DDB1: variants seen among roughly 807,000 people sequenced by gnomAD.
DDB1 encodes DNA damage-binding protein 1.
DDB1 carries 18 observed loss-of-function variants against 133.1 expected under a neutral mutation model. That is an observed-to-expected ratio of 0.14 (90% CI 0.09 to 0.20). The LOEUF is 0.20. Ranked by LOEUF, DDB1 falls within the 10% of genes least tolerant of loss-of-function variation. DDB1 has a pLI of 1.00. For missense variants in DDB1, 828 were observed against 1,459.2 expected (o/e 0.57, Z 7.05); for synonymous variants, 580 against 550.5 (o/e 1.05, Z -0.75).
chr11:61,316,942 GATAGATATATATATATATATAT>G (rs1160087952), intron 10 of DDB1, among the ~76,000 whole-genome samples: 348 of 27,054 alleles, frequency 0.013, 29 homozygotes, highest in Middle Eastern at 0.091. Context: ...AAAAAAAAAG[GATAGATATATATATATATATAT>G]ATATATATAT....
intron 21 of DDB1, among the ~76,000 whole-genome samples, chr11:61,304,952 C>T (rs945287080): frequency 9.2e-5 from 14 of 151,938 alleles, no homozygotes; most frequent in African/African-American, 3.1e-4. Context: ...ATTACAACCA[C>T]ATCTCCAAAA....
intron 18 of DDB1, 44 bp from the exon 19 acceptor site, chr11:61,310,462 G>C: frequency 1.3e-6 from 2 of 1,551,594 alleles, no homozygotes; most frequent in African/African-American, 2.7e-5. Flanking sequence ...AAACACAGAA[G>C]AAGTGCTGAG....
chr11:61,322,126 A>G (rs1856190230), intron 9 of DDB1, 170 bp downstream of exon 9: 1 of 655,356 alleles, frequency 1.5e-6, no homozygotes, highest in Non-Finnish European at 2.7e-6. Flanking sequence ...AGTGCCTGGC[A>G]GACCAAGATA....
intron 21 of DDB1, among the ~76,000 whole-genome samples, chr11:61,305,313 C>T (rs1855866756): frequency 6.6e-6 from 1 of 152,180 alleles, no homozygotes; most frequent in African/African-American, 2.4e-5. Flanking sequence ...TCGAGACCAT[C>T]CTGGCCAACG....
At chr11:61,327,188 T>A (rs1391483974) in intron 4 of DDB1, among the ~76,000 whole-genome samples, 1 of 152,156 alleles carries the variant, frequency 6.6e-6, no homozygotes, top group Admixed American at 6.5e-5. Flanking sequence ...AGATACTGTG[T>A]GCCAGGCACA....
At position 61,300,076 on chromosome 11, in the gene DDB1, G is replaced by T; in HGVS notation, c.*60C>A. 1 of 1,551,270 alleles carries T rather than the reference G, an allele frequency of 6.4e-7. No individual in the cohort carries two copies. The highest frequency in any genetic ancestry group is 1.1e-5 in the South Asian group (1 of 89,636). On this transcript the variant is annotated 3_prime_UTR_variant, in exon 27 of 27. Coordinates refer to ENST00000301764, the MANE Select transcript of DDB1 (RefSeq NM_001923.5). Reference sequence around the variant, plus strand: ...CCAAGAAGACGATGGTGGAGAGGAGGGGGAGGGCAGCAGGGCAAAGCCTTT... The same window carrying T: ...CCAAGAAGACGATGGTGGAGAGGAGTGGGAGGGCAGCAGGGCAAAGCCTTT...
chr11:61,313,848 A>T lies in DDB1; in HGVS notation c.1861+14T>A. On this transcript the variant is annotated intron_variant, in intron 15 of 26. Transcript: ENST00000301764. ...ATTTTTGAAAGAGTCCCTCACTCAA[A>T]ATACTACTCTCACCTGTCTCAATGT... is the stretch of plus-strand genomic sequence containing the variant. The T allele has an allele frequency of 6.2e-7, 1 of 1,613,866 alleles. No individual in the cohort carries two copies. The highest frequency in any genetic ancestry group is 2.2e-5 in the East Asian group (1 of 44,880).
At chr11:61,321,498 G>A in intron 10 of DDB1, 97 bp downstream of exon 10, 1 of 954,766 alleles carries the variant, frequency 1.0e-6, no homozygotes, top group South Asian at 1.4e-5. Flanking sequence ...CACTTGATCT[G>A]CTTTCCTCTG....
At chr11:61,304,182 AT>A in intron 21 of DDB1, 147 bp from the exon 22 acceptor site, 1 of 702,094 alleles carries the variant, frequency 1.4e-6, no homozygotes, top group Non-Finnish European at 2.3e-6. Flanking sequence ...TGGGGTGAAC[AT>A]TTATTATTTC....
chr11:61,302,531 G>T, intron 24 of DDB1, 51 bp downstream of exon 24: 1 of 1,608,218 alleles, frequency 6.2e-7, no homozygotes, highest in Non-Finnish European at 8.5e-7. Context: ...CAGAATGCTG[G>T]TATCAGGAAG....
intron 25 of DDB1, 137 bp from the exon 26 acceptor site, chr11:61,301,069 T>C: frequency 7.9e-7 from 1 of 1,262,548 alleles, no homozygotes; most frequent in Non-Finnish European, 1.1e-6. Flanking sequence ...CTTGCTTTTA[T>C]TTGGACATTT....
At chr11:61,304,126 A>T in intron 21 of DDB1, 91 bp from the exon 22 acceptor site, 1 of 1,452,200 alleles carries the variant, frequency 6.9e-7, no homozygotes, top group Non-Finnish European at 9.5e-7. Flanking sequence ...CTGCAGCACT[A>T]CTTCTCAAAG....
At chr11:61,321,266 T>C (rs748058575) in intron 10 of DDB1, 3 of 181,112 alleles carry the variant, frequency 1.7e-5, no homozygotes, top group Non-Finnish European at 3.4e-5. Flanking sequence ...TTTATACTTA[T>C]ATCTTCATAA....
Position 61,323,871 on chromosome 11 carries a change from T to A in DDB1, c.921+108A>T, listed in dbSNP as rs3815103. The A allele has an allele frequency of 1.6e-3, 1,937 of 1,240,538 alleles. 10 individuals carry two copies. The highest frequency in any genetic ancestry group is 0.014 in the East Asian group (598 of 42,732). The allele number at this position is 1,240,538 out of a possible 1,614,324, so 76.8% of individuals were successfully genotyped here. A position where few individuals can be genotyped will look rare whatever the true frequency, so the allele number is the denominator to read the frequency against. On this transcript the variant is annotated intron_variant, in intron 7 of 26. Transcript: ENST00000301764. The stretch of plus-strand genomic sequence containing the variant: ...CCACAGCAGGAACAACAGTTTGTTG[T>A]TAGGTGTTAAGTAACATAATTCCCA...
chr11:61,322,962 G>GAA, intron 8 of DDB1, 49 bp downstream of exon 8: 1 of 1,482,456 alleles, frequency 6.7e-7, no homozygotes, highest in Non-Finnish European at 9.3e-7. Flanking sequence ...ATTTGATGAA[G>GAA]AAACAGTGAG....
chr11:61,331,712 AC>A (rs1252566539), intron 1 of DDB1, 21 bp from the exon 2 acceptor site: 30 of 1,612,948 alleles, frequency 1.9e-5, no homozygotes, highest in Non-Finnish European at 2.3e-5. Context: ...AGACCCTCTA[AC>A]TTTTGAACTC....
intron 7 of DDB1, 65 bp downstream of exon 7, chr11:61,323,914 C>T (rs1195984099): frequency 1.3e-6 from 2 of 1,574,536 alleles, no homozygotes; most frequent in Non-Finnish European, 1.7e-6. Context: ...GGTGTGGGAC[C>T]ACACATTTGG....
chr11:61,310,023 C>T, intron 19 of DDB1, 63 bp from the exon 20 acceptor site: 3 of 1,606,396 alleles, frequency 1.9e-6, no homozygotes, highest in Non-Finnish European at 2.6e-6. Flanking sequence ...ACACATAACC[C>T]CGTATTTCTG....
rs959859422 is a variant in DDB1, at chr11:61,300,213, C to T, written c.3346G>A (p.Asp1116Asn). The change falls in exon 27 of 27, where the codon GAT becomes AAT. Residue 1116 changes from aspartate to asparagine, a missense_variant. By Grantham distance (23) the Asp-to-Asn change is conservative. Around this residue, in one of 7 missense-constraint regions of DDB1, gnomAD observed 116 missense variants for 221.6 expected, o/e 0.52. Coordinates refer to ENST00000301764, the MANE Select transcript of DDB1 (RefSeq NM_001923.5). ...GCCTCTCGCTTCATACCGCTGCCAT[C>T]GTCATACTGCAATGAGAAGATGGGC... ...QEVVANLQYDDGSGMKREATA... is the reference protein window; with the variant it reads ...QEVVANLQYDNGSGMKREATA... 6.8e-6 allele frequency: 11 copies of T among 1,613,952 alleles called. No individual in the cohort carries two copies. The highest frequency in any genetic ancestry group is 4.5e-5 in the East Asian group (2 of 44,892).
Sources: allele counts gnomAD v4.1 joint callset (sites outside exome capture counted in the v4.1 genomes callset), GRCh38; gene constraint gnomAD v4.1.1; regional missense constraint gnomAD v4.1.1; transcripts MANE v1.5; gene names NCBI Gene and HGNC (gene_info 2026-07-23, HGNC 2026-07-21).